Variants in AP2B1 observed in about 807,000 individuals in gnomAD.
AP2B1 encodes the protein AP-2 complex subunit beta.
A neutral mutation model predicts 102.0 loss-of-function variants in AP2B1; 23 were observed. The observed-to-expected ratio is 0.23, with a 90% confidence interval of 0.16 to 0.32. The LOEUF (loss-of-function observed/expected upper bound fraction) is 0.32, where lower values mean the gene tolerates loss of function less well. Among genes scored for constraint, AP2B1 ranks in the 10% least tolerant of loss-of-function variants. The probability of loss-of-function intolerance (pLI) is 1.00; values close to 1 mark genes in which losing one functional copy is unlikely to be tolerated. For synonymous variants in AP2B1, 381 were observed against 421.2 expected (o/e 0.90, Z 1.17); for missense variants, 541 against 1,157.4 (o/e 0.47, Z 7.73).
intron 20 of AP2B1, among the ~76,000 whole-genome samples, chr17:35,711,265 C>G (rs781945351): frequency 2.6e-5 from 4 of 152,092 alleles, no homozygotes; most frequent in Non-Finnish European, 5.9e-5. Context: ...GGTGCTTGGT[C>G]GGTACCTCCT....
At chr17:35,594,885 A>G (rs996268717) in intron 2 of AP2B1, among the ~76,000 whole-genome samples, 1 of 152,222 alleles carries the variant, frequency 6.6e-6, no homozygotes, top group Non-Finnish European at 1.5e-5. Flanking sequence ...CCTAAATAAA[A>G]TAGATCATTT....
chr17:35,700,486 G>A (rs587754206), intron 18 of AP2B1, among the ~76,000 whole-genome samples: 1 of 152,238 alleles, frequency 6.6e-6, no homozygotes, highest in East Asian at 1.9e-4. Context: ...CACAAGTGAC[G>A]TTATGGAAGA....
chr17:35,656,540 A>G (rs185095678), intron 13 of AP2B1, among the ~76,000 whole-genome samples: 26 of 152,258 alleles, frequency 1.7e-4, no homozygotes, highest in Non-Finnish European at 2.9e-4. Flanking sequence ...CTCTAATGTT[A>G]TTTTTAGTTT....
chr17:35,588,251 A>T (rs1398133546), intron 1 of AP2B1, among the ~76,000 whole-genome samples: 2 of 146,722 alleles, frequency 1.4e-5, no homozygotes, highest in African/African-American at 2.5e-5. Flanking sequence ...GTGGGGGGGG[A>T]CAGGCCTTTA....
chr17:35,639,560 G>C (rs1159740293), intron 10 of AP2B1, 35 bp from the exon 11 acceptor site: 6 of 1,572,874 alleles, frequency 3.8e-6, no homozygotes, highest in Non-Finnish European at 5.2e-6. Flanking sequence ...TCTTAGTTTT[G>C]CCCTCAATAA....
intron 5 of AP2B1, among the ~76,000 whole-genome samples, chr17:35,612,415 G>C (rs1447856187): frequency 6.6e-6 from 1 of 151,998 alleles, no homozygotes; most frequent in Non-Finnish European, 1.5e-5. Context: ...GAAAAGCTTG[G>C]GCTTAAGAGG....
At chr17:35,656,863 C>A (rs553143078) in intron 13 of AP2B1, among the ~76,000 whole-genome samples, 1 of 140,874 alleles carries the variant, frequency 7.1e-6, no homozygotes, top group South Asian at 2.3e-4. Context: ...CCAGCCTGGG[C>A]GACAGAGCGA....
chr17:35,721,020 T>C (rs2085375392), intron 21 of AP2B1, among the ~76,000 whole-genome samples: 1 of 152,172 alleles, frequency 6.6e-6, no homozygotes, highest in Non-Finnish European at 1.5e-5. Context: ...GTTCCTATTA[T>C]ACTATTAATC....
rs1474283876 is a variant in AP2B1, at chr17:35,657,608, A to C, written c.1806A>C (p.Ala602=). 6.2e-7 allele frequency: 1 copy of C among 1,612,838 alleles called. No homozygotes were observed. Among genetic ancestry groups the C allele is most frequent in the Middle Eastern group, 1.7e-4 (1 of 6,052 alleles). The change falls in exon 14 of 22, where the codon GCA becomes GCC. Residue 602 remains alanine (A), a synonymous_variant. Coordinates refer to ENST00000610402, the MANE Select transcript of AP2B1 (RefSeq NM_001030006.2). ...GTGTATGTGACTTTAGCACTGATGC[A>C]GGTGACAGCCCTGTTGGCACTACCA... ...HLPIHHGSTD[A]GDSPVGTTTA... is the part of the protein sequence containing the mutation.
chr17:35,605,736 C>T lies in AP2B1; in HGVS notation c.175C>T (p.Gln59Ter). 1.2e-6 allele frequency: 2 copies of T among 1,613,868 alleles called. No individual in the cohort carries two copies. Among genetic ancestry groups the T allele is most frequent in the Non-Finnish European group, 1.7e-6 (2 of 1,179,778 alleles). ...CTTTCCAGACGTAGTGAACTGTATG[C>T]AGACTGACAATCTGGAACTAAAGAA... ...SLFPDVVNCMQTDNLELKKLV... is the reference protein window; with the variant it reads ...SLFPDVVNCM The change falls in exon 4 of 22, where the codon CAG (glutamine) becomes TAG (stop). Residue 59 changes from glutamine to a stop codon, truncating the protein, a stop_gained. Coordinates refer to ENST00000610402, the MANE Select transcript of AP2B1 (RefSeq NM_001030006.2). LOFTEE classifies it high-confidence loss of function.
intron 5 of AP2B1, among the ~76,000 whole-genome samples, chr17:35,613,299 T>G (rs147795583): frequency 8.5e-4 from 128 of 151,310 alleles, no homozygotes; most frequent in East Asian, 2.5e-3. Flanking sequence ...ATATGAGAGA[T>G]AAATGTTGGT....
chr17:35,679,795 C>T (rs899744835), intron 17 of AP2B1, among the ~76,000 whole-genome samples: 50 of 152,048 alleles, frequency 3.3e-4, no homozygotes, highest in African/African-American at 1.2e-3. Flanking sequence ...AACTATTATG[C>T]CTAAATGAGT....
chr17:35,662,532 G>GTTTTTTTT (rs34547701), intron 14 of AP2B1, among the ~76,000 whole-genome samples: 1 of 110,106 alleles, frequency 9.1e-6, no homozygotes, highest in African/African-American at 3.4e-5. Context: ...GTTTGGGTTT[G>GTTTTTTTT]TTTTTTTTTT....
rs753824400 is a variant in AP2B1 at position 35,650,750 on chromosome 17, A to G, written c.1757A>G (p.His586Arg). The G allele has an allele frequency of 2.5e-6, 4 of 1,614,218 alleles. No homozygotes were observed. Among genetic ancestry groups the G allele is most frequent in the Admixed American group, 1.7e-5 (1 of 60,030 alleles). The change falls in exon 13 of 22, where the codon CAT (histidine) becomes CGT (arginine). Residue 586 changes from histidine to arginine, a missense_variant. Physicochemically the swap from His to Arg is conservative, Grantham distance 29. Transcript: ENST00000610402. Reference protein sequence around the residue: ...KPPNAFVEGSHGIHRKHLPIH... With the variant: ...KPPNAFVEGSRGIHRKHLPIH... Reference sequence around the variant, plus strand: ...CCCAATGCTTTTGTGGAAGGAAGTCATGGAATTCATCGTAAACACTTGCCA... The same window carrying G: ...CCCAATGCTTTTGTGGAAGGAAGTCGTGGAATTCATCGTAAACACTTGCCA...
intron 13 of AP2B1, among the ~76,000 whole-genome samples, chr17:35,653,877 CT>C (rs1290956052): frequency 6.6e-6 from 1 of 152,100 alleles, no homozygotes; most frequent in Non-Finnish European, 1.5e-5. Flanking sequence ...TGTCAGGCTT[CT>C]CTACTTGTTT....
intron 1 of AP2B1, among the ~76,000 whole-genome samples, chr17:35,592,537 T>A (rs1025917210): frequency 6.6e-6 from 1 of 151,172 alleles, no homozygotes; most frequent in African/African-American, 2.4e-5. Context: ...TGGCCCAAAT[T>A]CCTATTTATT....
chr17:35,650,863 A>G, intron 13 of AP2B1, 74 bp downstream of exon 13: 2 of 1,508,514 alleles, frequency 1.3e-6, no homozygotes, highest in South Asian at 1.3e-5. Context: ...TTATGCTTTT[A>G]TAGTCTGGAA....
At chr17:35,676,373 A>C (rs926274223) in intron 17 of AP2B1, among the ~76,000 whole-genome samples, 2 of 152,202 alleles carry the variant, frequency 1.3e-5, no homozygotes, top group African/African-American at 4.8e-5. Flanking sequence ...TTTATAAATG[A>C]AATTACATAA....
At position 35,725,219 on chromosome 17, in the gene AP2B1, G is replaced by C. The variant is rs2085499430; in HGVS notation, c.*1520G>C. 1 of 152,184 alleles carries C rather than the reference G, an allele frequency of 6.6e-6. No homozygotes were observed. Among genetic ancestry groups the C allele is most frequent in the African/African-American group, 2.4e-5 (1 of 41,434 alleles). 9.4% of individuals were successfully genotyped at this position (152,184 alleles called of 1,614,324 possible). On this transcript the variant is annotated 3_prime_UTR_variant, in exon 22 of 22. Coordinates refer to ENST00000610402, the MANE Select transcript of AP2B1 (RefSeq NM_001030006.2). ...AGAATGCTTCATGCCCAAAATACCA[G>C]CCTGTTTAGCAGTGTTACACTGTTT...
Sources: gnomAD v4.1 joint callset for allele counts (sites outside exome capture counted in the v4.1 genomes callset) on GRCh38, gnomAD v4.1.1 for gene constraint, MANE v1.5 for transcripts, NCBI Gene and HGNC (gene_info 2026-07-23, HGNC 2026-07-21) for gene names.